Variants in SNX24 observed in about 807,000 individuals in gnomAD.
The protein encoded by SNX24 is sorting nexin 24.
In SNX24, 22 loss-of-function variants were observed where a neutral mutation model predicts 28.7. The ratio of observed to expected loss-of-function variants is 0.77; its 90% CI spans 0.55 to 1.10. The LOEUF (loss-of-function observed/expected upper bound fraction) is 1.10. SNX24 is among the 50% of genes least tolerant of loss of function. The pLI, the probability that SNX24 is intolerant of heterozygous loss-of-function variation, is 0.00. For synonymous variants in SNX24, 69 were observed against 71.5 expected, an observed-to-expected ratio of 0.96 and a Z score of 0.18; for missense variants, 221 against 201.1, an observed-to-expected ratio of 1.10 and a Z score of -0.60.
chr5:122,878,068 A>C (rs938404630), intron 1 of SNX24, among the ~76,000 whole-genome samples: 14 of 152,152 alleles, frequency 9.2e-5, no homozygotes, highest in Admixed American at 1.3e-4. Flanking sequence ...CTGACCTGGG[A>C]GGGTCCAGTA....
chr5:123,001,551 T>G lies in SNX24; in HGVS notation c.377+114T>G, dbSNP rs1185459238. 6.3e-6 allele frequency: 5 copies of G among 798,864 alleles called. No individual in the cohort carries two copies. The Admixed American group carries it at 1.2e-4, about 18-fold the overall frequency. The allele number at this position is 798,864 out of a possible 1,614,324, so 49.5% of individuals were successfully genotyped here. A position where few individuals can be genotyped will look rare whatever the true frequency, so the allele number is the denominator to read the frequency against. ...TTAAGAACCTTTGTTTGGAAATTGG[T>G]TTTAAGATTATAAATATTTGATAGG... On this transcript the variant is annotated intron_variant, in intron 5 of 6. Transcript: ENST00000261369.
At chr5:122,908,427 A>G (rs1757740039) in intron 1 of SNX24, among the ~76,000 whole-genome samples, 2 of 152,240 alleles carry the variant, frequency 1.3e-5, no homozygotes, top group African/African-American at 4.8e-5. Context: ...ATACTGTAGC[A>G]GCCGGCACTT....
chr5:122,966,595 T>G (rs1350184125), intron 3 of SNX24, among the ~76,000 whole-genome samples: 1 of 152,122 alleles, frequency 6.6e-6, no homozygotes, highest in Non-Finnish European at 1.5e-5. Flanking sequence ...TGGTGGCAGT[T>G]TGGGCAGATA....
At chr5:122,910,161 C>A (rs893026254) in intron 1 of SNX24, among the ~76,000 whole-genome samples, 2 of 152,176 alleles carry the variant, frequency 1.3e-5, no homozygotes, top group African/African-American at 4.8e-5. Flanking sequence ...TCCAATGGAA[C>A]AAAGTTGCAT....
intron 3 of SNX24, among the ~76,000 whole-genome samples, chr5:122,965,742 A>G (rs1354544867): frequency 6.6e-6 from 1 of 152,216 alleles, no homozygotes; most frequent in Non-Finnish European, 1.5e-5. Flanking sequence ...TCAAGGAGAC[A>G]ATGGTGTAAA....
intron 1 of SNX24, among the ~76,000 whole-genome samples, chr5:122,875,095 C>G (rs1456450386): frequency 1.3e-5 from 2 of 152,026 alleles, no homozygotes; most frequent in African/African-American, 4.8e-5. Context: ...CTAAAGCAAA[C>G]AAAAACAAAA....
intron 1 of SNX24, among the ~76,000 whole-genome samples, chr5:122,850,668 A>G (rs1313385887): frequency 6.6e-6 from 1 of 152,054 alleles, no homozygotes; most frequent in African/African-American, 2.4e-5. Flanking sequence ...AGCAGGGCAG[A>G]TATTTCATTT....
chr5:122,967,093 G>A (rs1395873627), intron 3 of SNX24, among the ~76,000 whole-genome samples: 3 of 152,190 alleles, frequency 2.0e-5, no homozygotes. Flanking sequence ...TAAAGATGAT[G>A]CAGAGTGTTA....
At chr5:122,916,857 T>A (rs1347063462) in intron 1 of SNX24, among the ~76,000 whole-genome samples, 1 of 152,236 alleles carries the variant, frequency 6.6e-6, no homozygotes, top group African/African-American at 2.4e-5. Flanking sequence ...TGGCATACTC[T>A]GTCATGGTCT....
intron 5 of SNX24, chr5:123,022,281 A>G (rs910547343): frequency 1.1e-4 from 17 of 152,164 alleles, no homozygotes; most frequent in African/African-American, 4.1e-4. Flanking sequence ...TACTCAGTTC[A>G]TCTCTCACTG....
chr5:122,915,392 G>A (rs1380344826), intron 1 of SNX24, among the ~76,000 whole-genome samples: 1 of 152,158 alleles, frequency 6.6e-6, no homozygotes, highest in African/African-American at 2.4e-5. Context: ...TTGGGAGGCT[G>A]AGACAGGGTG....
intron 3 of SNX24, among the ~76,000 whole-genome samples, chr5:122,990,959 C>T (rs997302950): frequency 6.6e-6 from 1 of 152,086 alleles, no homozygotes; most frequent in Non-Finnish European, 1.5e-5. Context: ...TGCAGTGGCC[C>T]TATCTTGGCT....
At chr5:122,969,787 CCTT>C (rs1426832251) in intron 3 of SNX24, among the ~76,000 whole-genome samples, 4 of 152,234 alleles carry the variant, frequency 2.6e-5, no homozygotes, top group African/African-American at 9.6e-5. Context: ...CCCAGTGAGA[CCTT>C]CTTTATATTC....
chr5:123,011,179 A>G (rs1318850090), downstream of SNX24, among the ~76,000 whole-genome samples: 1 of 152,152 alleles, frequency 6.6e-6, no homozygotes, highest in Non-Finnish European at 1.5e-5. Context: ...GAAGTAAAGG[A>G]CAGAGAAAGG....
intron 3 of SNX24, among the ~76,000 whole-genome samples, chr5:122,999,249 T>C (rs553141938): frequency 6.6e-6 from 1 of 152,280 alleles, no homozygotes; most frequent in East Asian, 1.9e-4. Context: ...GGAAGAACTC[T>C]ATAGATTTTT....
chr5:123,024,088 G>A (rs1303657053), intron 5 of SNX24: 2 of 1,484,710 alleles, frequency 1.3e-6, no homozygotes, highest in African/African-American at 2.8e-5. Flanking sequence ...AACTCCAAAA[G>A]CCCAAGTGGG....
intron 3 of SNX24, among the ~76,000 whole-genome samples, chr5:122,966,847 A>T (rs1021544016): frequency 3.9e-5 from 6 of 152,226 alleles, no homozygotes; most frequent in Non-Finnish European, 8.8e-5. Context: ...CATACAATAA[A>T]GAGTAGCTAC....
At chr5:123,004,131 A>G (rs912824381) in intron 6 of SNX24, among the ~76,000 whole-genome samples, 1 of 152,200 alleles carries the variant, frequency 6.6e-6, no homozygotes, top group Admixed American at 6.5e-5. Flanking sequence ...CCCGCCCCCT[A>G]CAAAGTCAGA....
At chr5:122,958,936 GA>G (rs1760341565) in intron 3 of SNX24, among the ~76,000 whole-genome samples, 1 of 152,102 alleles carries the variant, frequency 6.6e-6, no homozygotes, top group African/African-American at 2.4e-5. Context: ...TGCTCGTCAG[GA>G]ATTTTTGTCT....
Sources: gnomAD v4.1 joint callset for allele counts (sites outside exome capture counted in the v4.1 genomes callset) on GRCh38, gnomAD v4.1.1 for gene constraint, MANE v1.5 for transcripts, NCBI Gene and HGNC (gene_info 2026-07-23, HGNC 2026-07-21) for gene names.